PCDHA6: variants seen among roughly 807,000 people sequenced by gnomAD.
PCDHA6 encodes the protein protocadherin alpha 6.
PCDHA6 carries 55 observed loss-of-function variants against 60.3 expected under a neutral mutation model. The ratio of observed to expected loss-of-function variants is 0.91; its 90% CI spans 0.73 to 1.14. The LOEUF is 1.14. Ranked by LOEUF, PCDHA6 falls within the 50% of genes most tolerant of loss-of-function variation. The probability of loss-of-function intolerance (pLI) is 0.00; values close to 1 mark genes in which losing one functional copy is unlikely to be tolerated. For missense variants in PCDHA6, 1,327 were observed against 1,256.5 expected, an observed-to-expected ratio of 1.06 and a Z score of -0.85; for synonymous variants, 652 against 557.9, an observed-to-expected ratio of 1.17 and a Z score of -2.38.
At chr5:140,963,128 T>A (rs1283011021) in intron 1 of PCDHA6, among the ~76,000 whole-genome samples, 1 of 152,144 alleles carries the variant, frequency 6.6e-6, no homozygotes, top group African/African-American at 2.4e-5. Context: ...AGAGATAATA[T>A]TAAATTATTT....
intron 1 of PCDHA6, chr5:140,863,119 A>G: frequency 1.7e-6 from 1 of 591,284 alleles, no homozygotes. Context: ...GGCGAAAGCT[A>G]CGCGCCACCG....
In PCDHA6 at chr5:140,857,206, C is replaced by T. The variant is rs1554149659; in HGVS notation, c.2394+26721C>T. On this transcript the variant is annotated intron_variant, in intron 1 of 3. Transcript: ENST00000529310. Reference sequence around the variant, plus strand: ...CAGGAGCCAACGGACAGGTCACCTGCTCTCTGACGCCTCACGTTCCGTTCA... The same window carrying T: ...CAGGAGCCAACGGACAGGTCACCTGTTCTCTGACGCCTCACGTTCCGTTCA... The T allele has an allele frequency of 2.5e-6, 4 of 1,598,614 alleles. No homozygotes were observed. The South Asian group carries it at 3.3e-5, about 13-fold the overall frequency.
intron 1 of PCDHA6, among the ~76,000 whole-genome samples, chr5:140,953,593 G>T (rs1392522676): frequency 6.6e-6 from 1 of 152,026 alleles, no homozygotes; most frequent in African/African-American, 2.4e-5. Context: ...GCCTCCTTTT[G>T]TTTATTCCCC....
rs1041971288 is a variant in PCDHA6, at chr5:140,912,300, A to G, written c.2395-66649A>G. ...CCAGGAACAATACTTTGCCTCCTGT[A>G]ATCCAGTCAAGTTGACCCTCAGTAT... On this transcript the variant is annotated intron_variant, in intron 1 of 3. Coordinates refer to ENST00000529310, the MANE Select transcript of PCDHA6 (RefSeq NM_018909.4). Among the ~76,000 whole-genome samples, 5 of 152,070 alleles carry G rather than the reference A, an allele frequency of 3.3e-5. No homozygotes were observed. The East Asian group carries it at 9.7e-4, about 29-fold the overall frequency.
chr5:140,885,152 T>C (rs1182560213), intron 1 of PCDHA6, among the ~76,000 whole-genome samples: 1 of 152,206 alleles, frequency 6.6e-6, no homozygotes, highest in African/African-American at 2.4e-5. Context: ...CTGTTTTGAT[T>C]GTCTCTACTT....
At chr5:140,850,747 C>T (rs2041801676) in intron 1 of PCDHA6, 3 of 1,597,716 alleles carry the variant, frequency 1.9e-6, no homozygotes, top group Non-Finnish European at 2.6e-6. Flanking sequence ...TGGTCGTACT[C>T]GCAGCAGAGG....
intron 1 of PCDHA6, chr5:140,836,766 C>A (rs2150269669): frequency 6.4e-7 from 1 of 1,562,092 alleles, no homozygotes; most frequent in South Asian, 1.2e-5. Flanking sequence ...TTGTTTCCAA[C>A]AATTTTAAAA....
At chr5:140,974,284 G>C (rs1409183152) in intron 1 of PCDHA6, among the ~76,000 whole-genome samples, 2 of 152,092 alleles carry the variant, frequency 1.3e-5, no homozygotes, top group Non-Finnish European at 2.9e-5. Flanking sequence ...CAGAACTCTG[G>C]GCTCCAAGGA....
At chr5:140,834,107 A>C in intron 1 of PCDHA6, 1 of 401,594 alleles carries the variant, frequency 2.5e-6, no homozygotes, top group Non-Finnish European at 4.4e-6. Context: ...AAAAAAATTC[A>C]GAGTTTGAAA....
intron 1 of PCDHA6, among the ~76,000 whole-genome samples, chr5:140,947,798 A>C (rs1164932467): frequency 7.3e-5 from 11 of 151,710 alleles, no homozygotes; most frequent in African/African-American, 1.9e-4. Context: ...CAGACTTTTA[A>C]TTTGCAGAGA....
At chr5:140,989,013 G>A (rs1171400170) in intron 3 of PCDHA6, 1 of 152,208 alleles carries the variant, frequency 6.6e-6, no homozygotes, top group Non-Finnish European at 1.5e-5. Context: ...ACTTATTATA[G>A]TTTCTTCAGT....
chr5:140,858,157 C>T (rs782793736), intron 1 of PCDHA6: 2 of 1,597,628 alleles, frequency 1.3e-6, no homozygotes, highest in Admixed American at 1.7e-5. Flanking sequence ...TCGCCATCTG[C>T]GCGGTGTCCA....
chr5:141,004,274 A>T (rs2098160407), intron 3 of PCDHA6, among the ~76,000 whole-genome samples: 1 of 152,212 alleles, frequency 6.6e-6, no homozygotes, highest in Admixed American at 6.5e-5. Flanking sequence ...CACAGTCTAC[A>T]TGCTGCTGAG....
At chr5:140,959,407 G>A (rs1449444307) in intron 1 of PCDHA6, among the ~76,000 whole-genome samples, 3 of 152,052 alleles carry the variant, frequency 2.0e-5, no homozygotes, top group African/African-American at 7.2e-5. Flanking sequence ...ATAAAGTGTT[G>A]ATTGATCTGA....
At position 140,997,438 on chromosome 5, in the gene PCDHA6, A is replaced by G. The variant is rs182158337; in HGVS notation, c.2543-12189A>G. ...CTCCTAGGCTACAAACCTGTATATC[A>G]TGTTACTATACTGAATACTGTAGGC... On this transcript the variant is annotated intron_variant, in intron 3 of 3. Transcript: ENST00000529310. Among the ~76,000 whole-genome samples, 274 of 152,308 alleles carry G rather than the reference A, an allele frequency of 1.8e-3. 2 individuals are homozygous for G. The highest frequency in any genetic ancestry group is 6.0e-3 in the African/African-American group (248 of 41,560).
At chr5:140,856,100 C>T (rs782183125) in intron 1 of PCDHA6, 2 of 1,597,876 alleles carry the variant, frequency 1.3e-6, no homozygotes, top group Non-Finnish European at 1.7e-6. Context: ...GCTCTCGCTT[C>T]TTCTCCTCGC....
rs2150161509 is a variant in PCDHA6, at chr5:140,828,980, C to T, written c.889C>T (p.Arg297Ter). Residue 297 changes from arginine (R) to a stop codon, truncating the protein, a stop_gained, in exon 1 of 4, where the codon CGA becomes TGA. Transcript: ENST00000529310. LOFTEE classifies it high-confidence loss of function. ...GGTTATTGACCACTTTAGCATAGAT[C>T]GAAATACGGGAGAAATAGTGATTCG... ...AMVIDHFSID[R>*]NTGEIVIRGN... 18 of 1,613,888 alleles carry T rather than the reference C, an allele frequency of 1.1e-5. No homozygotes were observed. In the African/African-American group the frequency reaches 1.7e-4, roughly 16 times the overall value.
At chr5:140,856,842 C>T (rs782696740) in intron 1 of PCDHA6, 1 of 1,592,718 alleles carries the variant, frequency 6.3e-7, no homozygotes, top group South Asian at 1.1e-5. Context: ...CGGCTCAACG[C>T]TTCTGATTCG....
intron 1 of PCDHA6, chr5:140,927,418 C>A: frequency 6.2e-7 from 1 of 1,614,106 alleles, no homozygotes; most frequent in Non-Finnish European, 8.5e-7. Flanking sequence ...CATGGGATCG[C>A]GGGTTGACGG....
Sources: gnomAD v4.1 joint callset for allele counts (sites outside exome capture counted in the v4.1 genomes callset) on GRCh38, gnomAD v4.1.1 for gene constraint, MANE v1.5 for transcripts, NCBI Gene and HGNC (gene_info 2026-07-23, HGNC 2026-07-21) for gene names.